The following LRP1B variants were observed in gnomAD, a reference collection of about 807,000 sequenced individuals.
LRP1B encodes the protein low-density lipoprotein receptor-related protein 1B.
LRP1B carries 217 observed loss-of-function variants against 556.6 expected under a neutral mutation model. The ratio of observed to expected loss-of-function variants is 0.39; its 90% CI spans 0.35 to 0.44. LRP1B has a LOEUF of 0.44. LRP1B is among the 20% of genes least tolerant of loss of function. LRP1B has a pLI of 1.00. For synonymous variants in LRP1B, 2,047 were observed against 1,865.8 expected (o/e 1.10, Z -2.50); for missense variants, 5,053 against 5,620.8 (o/e 0.90, Z 3.23).
At position 140,950,234 on chromosome 2, in the gene LRP1B, CCTT is replaced by C. The variant is rs776806582; in HGVS notation, c.3134_3136del (p.Glu1046del). ...TTTCATTAATTTATAAAATTACTAA[CCTT>C]CTTTAGTACAATTGATCTGGGCTTC... On this transcript the variant is annotated inframe_deletion and splice_region_variant, in exon 20 of 91. Transcript: ENST00000389484. 8 of 1,560,732 alleles carry C rather than the reference CCTT, an allele frequency of 5.1e-6. No individual in the cohort carries two copies. Among genetic ancestry groups the C allele is most frequent in the Non-Finnish European group, 6.9e-6 (8 of 1,156,636 alleles).
chr2:141,317,727 C>T (rs147464091), intron 3 of LRP1B, among the ~76,000 whole-genome samples: 1 of 152,094 alleles, frequency 6.6e-6, no homozygotes, highest in Non-Finnish European at 1.5e-5. Flanking sequence ...TGACCTTGGA[C>T]CAGGTAACTT....
chr2:140,815,872 T>A (rs1691103329), intron 31 of LRP1B, among the ~76,000 whole-genome samples: 1 of 151,216 alleles, frequency 6.6e-6, no homozygotes, highest in Non-Finnish European at 1.5e-5. Flanking sequence ...TCTCTCTTTT[T>A]TTTTTTTTTT....
chr2:140,925,030 A>AG (rs1694846358), intron 20 of LRP1B, among the ~76,000 whole-genome samples: 2 of 152,118 alleles, frequency 1.3e-5, no homozygotes, highest in Non-Finnish European at 2.9e-5. Context: ...AGTCAACAAT[A>AG]TAGTATAACT....
intron 11 of LRP1B, among the ~76,000 whole-genome samples, chr2:141,038,612 A>G (rs1413463066): frequency 6.6e-6 from 1 of 152,114 alleles, no homozygotes; most frequent in Non-Finnish European, 1.5e-5. Context: ...AGCATGTATT[A>G]TGGATATTGT....
intron 7 of LRP1B, among the ~76,000 whole-genome samples, chr2:141,127,213 G>A (rs1701237620): frequency 6.6e-6 from 1 of 152,094 alleles, no homozygotes; most frequent in African/African-American, 2.4e-5. Flanking sequence ...CAGTTAGAAT[G>A]GTGATAATTA....
intron 32 of LRP1B, among the ~76,000 whole-genome samples, chr2:140,803,293 G>A (rs1189632310): frequency 4.4e-5 from 3 of 67,922 alleles, no homozygotes; most frequent in East Asian, 3.5e-4. Context: ...TTTTTTTTCC[G>A]AGATGGAGTC....
Position 140,824,151 on chromosome 2 carries a change from TAATCTG to T in LRP1B, c.5210-10351_5210-10346del, listed in dbSNP as rs376059746. On this transcript the variant is annotated intron_variant, in intron 31 of 90. Coordinates refer to ENST00000389484, the MANE Select transcript of LRP1B (RefSeq NM_018557.3). ...AAATAAAAAAAAATAGAAAACACAA[TAATCTG>T]AAATTCTTTAGTATTTTCTCTTAAT... Among the ~76,000 whole-genome samples, 914 of 151,456 alleles carry T rather than the reference TAATCTG, an allele frequency of 6.0e-3. 4 individuals carry two copies. The highest frequency in any genetic ancestry group is 0.02 in the Middle Eastern group (6 of 294).
chr2:140,596,796 T>C (rs1277196920), intron 43 of LRP1B, among the ~76,000 whole-genome samples: 3 of 152,152 alleles, frequency 2.0e-5, no homozygotes, highest in African/African-American at 2.4e-5. Context: ...ACTAAACTTC[T>C]TTGTGCCTCA....
chr2:141,942,803 C>G (rs990079709), intron 1 of LRP1B, among the ~76,000 whole-genome samples: 2 of 152,234 alleles, frequency 1.3e-5, no homozygotes, highest in East Asian at 3.9e-4. Flanking sequence ...TGTAAGCAGA[C>G]GAGGAGACCA....
chr2:140,547,676 T>C (rs1193138841), intron 43 of LRP1B, among the ~76,000 whole-genome samples: 1 of 152,070 alleles, frequency 6.6e-6, no homozygotes, highest in Non-Finnish European at 1.5e-5. Flanking sequence ...CTTCCTTTTA[T>C]GGATAAATTA....
chr2:141,868,196 T>C (rs1574446233), intron 1 of LRP1B, among the ~76,000 whole-genome samples: 2 of 152,252 alleles, frequency 1.3e-5, no homozygotes, highest in African/African-American at 4.8e-5. Context: ...AAGTGTTGCT[T>C]GGGAAATCTC....
At chr2:140,286,034 A>G (rs772199862) in intron 84 of LRP1B, among the ~76,000 whole-genome samples, 26 of 151,854 alleles carry the variant, frequency 1.7e-4, no homozygotes, top group African/African-American at 2.7e-4. Flanking sequence ...ACATGTTTGC[A>G]TATTCTTTAT....
chr2:141,713,226 A>C (rs556164728), intron 2 of LRP1B, among the ~76,000 whole-genome samples: 2 of 152,068 alleles, frequency 1.3e-5, no homozygotes, highest in Admixed American at 1.3e-4. Flanking sequence ...TAAACATCAC[A>C]TAAGATAGAG....
At chr2:140,869,568 G>A (rs1693060378) in intron 25 of LRP1B, among the ~76,000 whole-genome samples, 4 of 152,066 alleles carry the variant, frequency 2.6e-5, no homozygotes, top group Non-Finnish European at 5.9e-5. Context: ...CATGTTAAGT[G>A]GTTATATAAA....
intron 49 of LRP1B, among the ~76,000 whole-genome samples, chr2:140,523,782 A>T (rs1303041925): frequency 1.3e-5 from 2 of 152,058 alleles, no homozygotes; most frequent in East Asian, 3.9e-4. Context: ...CAAAAGAACG[A>T]AACTGGACTC....
At chr2:141,297,320 G>C (rs1686219937) in intron 3 of LRP1B, among the ~76,000 whole-genome samples, 1 of 152,192 alleles carries the variant, frequency 6.6e-6, no homozygotes, top group African/African-American at 2.4e-5. Flanking sequence ...ATGCTGGCGA[G>C]ACTGCAGAGA....
chr2:141,145,808 C>T (rs1701768400), intron 7 of LRP1B, among the ~76,000 whole-genome samples: 1 of 151,992 alleles, frequency 6.6e-6, no homozygotes, highest in Non-Finnish European at 1.5e-5. Context: ...GCTGGGACTA[C>T]AGGCATGAGC....
At chr2:140,656,554 T>G (rs1056237443) in intron 41 of LRP1B, among the ~76,000 whole-genome samples, 7 of 152,202 alleles carry the variant, frequency 4.6e-5, no homozygotes, top group Non-Finnish European at 8.8e-5. Context: ...AGAAAAATTC[T>G]ACTTCTTTCT....
intron 15 of LRP1B, among the ~76,000 whole-genome samples, chr2:141,002,576 C>T (rs754165767): frequency 1.1e-4 from 16 of 151,932 alleles, no homozygotes; most frequent in Non-Finnish European, 2.2e-4. Flanking sequence ...ACTTATAATA[C>T]CTAATACAAG....
Sources: allele counts gnomAD v4.1 joint callset (sites outside exome capture counted in the v4.1 genomes callset), GRCh38; gene constraint gnomAD v4.1.1; transcripts MANE v1.5; gene names NCBI Gene and HGNC (gene_info 2026-07-23, HGNC 2026-07-21).